GRM4: variants seen among roughly 807,000 people sequenced by gnomAD.
The protein encoded by GRM4 is glutamate metabotropic receptor 4.
A neutral mutation model predicts 81.7 loss-of-function variants in GRM4; 28 were observed. The observed-to-expected ratio is 0.34, with a 90% CI of 0.25 to 0.47. The LOEUF is 0.47. GRM4 is among the 20% of genes least tolerant of loss of function. GRM4 has a pLI of 1.00. For missense variants in GRM4, 948 were observed against 1,290.0 expected (o/e 0.73, Z 4.06); for synonymous variants, 488 against 528.8 (o/e 0.92, Z 1.06).
Position 34,092,805 on chromosome 6 carries a change from G to C in GRM4, c.520-706C>G, listed in dbSNP as rs995253821. 6.6e-6 allele frequency among the ~76,000 whole-genome samples: 1 copy of C among 152,042 alleles called. No individual in the cohort carries two copies. Among genetic ancestry groups the C allele is most frequent in the African/African-American group, 2.4e-5 (1 of 41,490 alleles). On this transcript the variant is annotated intron_variant, in intron 2 of 10. Coordinates refer to ENST00000538487, the MANE Select transcript of GRM4 (RefSeq NM_000841.4). The surrounding 1 kb of genome is among the most constrained non-coding windows in gnomAD (Gnocchi z 6.8). ...CCCAGCCCCGGGGCTTTCCAGTCAC[G>C]GGGCATCTTCCCGCCTCCACAGGCC...
chr6:34,089,808 C>A lies in GRM4; in HGVS notation c.736+2075G>T, dbSNP rs1768107172. 6.6e-6 allele frequency among the ~76,000 whole-genome samples: 1 copy of A among 152,160 alleles called. No individual in the cohort carries two copies. Among genetic ancestry groups the A allele is most frequent in the African/African-American group, 2.4e-5 (1 of 41,418 alleles). On this transcript the variant is annotated intron_variant, in intron 3 of 10. Transcript: ENST00000538487. This position sits in a 1 kb window ranked among gnomAD's most constrained non-coding sequence, Gnocchi z 4.3. ...GCCAAAACACAATGCCCAGACCCCA[C>A]CCCCATCCCATGCCTCTCCTGTCCC...
intron 3 of GRM4, among the ~76,000 whole-genome samples, chr6:34,071,997 A>AAATAC: frequency 6.6e-6 from 1 of 151,940 alleles, no homozygotes; most frequent in Non-Finnish European, 1.5e-5. Flanking sequence ...ATCACCACAA[A>AAATAC]AATACACACC....
chr6:34,044,861 CAGACAT>C (rs1379712078), intron 6 of GRM4, among the ~76,000 whole-genome samples: 5 of 148,888 alleles, frequency 3.4e-5, no homozygotes, highest in Non-Finnish European at 1.5e-5. Context: ...GACACACACA[CAGACAT>C]ACATACACAT....
At chr6:34,107,272 T>C (rs1769171102) in intron 2 of GRM4, among the ~76,000 whole-genome samples, 1 of 152,080 alleles carries the variant, frequency 6.6e-6, no homozygotes, top group African/African-American at 2.4e-5. Flanking sequence ...ATGGTAAGCT[T>C]CCACTCCCTC....
chr6:34,057,267 CCCT>C (rs1765945176), intron 5 of GRM4, among the ~76,000 whole-genome samples: 1 of 105,562 alleles, frequency 9.5e-6, no homozygotes, highest in Non-Finnish European at 1.9e-5. Context: ...GAACAACACC[CCCT>C]CCTCCTCCCA....
At chr6:34,030,516 C>T (rs1396415069) in intron 9 of GRM4, among the ~76,000 whole-genome samples, 1 of 152,176 alleles carries the variant, frequency 6.6e-6, no homozygotes, top group Non-Finnish European at 1.5e-5. Flanking sequence ...CCAGATTCTA[C>T]TCTGCCTCAG....
At chr6:34,131,584 C>T (rs1322931490) in intron 2 of GRM4, among the ~76,000 whole-genome samples, 1 of 152,166 alleles carries the variant, frequency 6.6e-6, no homozygotes, top group African/African-American at 2.4e-5. Context: ...CTCTGGCCTC[C>T]TCCCTTTGCC....
intron 6 of GRM4, among the ~76,000 whole-genome samples, chr6:34,041,709 G>A (rs978418312): frequency 6.6e-6 from 1 of 152,238 alleles, no homozygotes; most frequent in African/African-American, 2.4e-5. Flanking sequence ...CAGAACAGGG[G>A]CTTCCAAGAG....
intron 1 of GRM4, among the ~76,000 whole-genome samples, chr6:34,143,667 G>A (rs1292691209): frequency 6.6e-6 from 1 of 152,388 alleles, no homozygotes; most frequent in African/African-American, 2.4e-5. Flanking sequence ...TGGGATCCGG[G>A]GGAAAGTGGG....
chr6:34,044,191 T>C lies in GRM4; in HGVS notation c.1169-3443A>G, dbSNP rs565420383. Among the ~76,000 whole-genome samples, 77 of 144,910 alleles carry C rather than the reference T, an allele frequency of 5.3e-4. No individual in the cohort carries two copies. In the Middle Eastern group the frequency reaches 0.02, roughly 37 times the overall value. On this transcript the variant is annotated intron_variant, in intron 6 of 10. Transcript: ENST00000538487. ...ACACATATACATACATACACATATA[T>C]ACACACACATATATATACATACATA...
At chr6:34,153,270 C>T (rs1040826773) in intron 1 of GRM4, among the ~76,000 whole-genome samples, 5 of 152,178 alleles carry the variant, frequency 3.3e-5, no homozygotes, top group African/African-American at 9.7e-5. Context: ...CAGACACGCA[C>T]GCAGGGCCCA....
At chr6:34,112,110 G>A (rs1769407714) in intron 2 of GRM4, among the ~76,000 whole-genome samples, 1 of 152,106 alleles carries the variant, frequency 6.6e-6, no homozygotes, top group Admixed American at 6.5e-5. Context: ...TAATAATCCT[G>A]CTGAACTGGG....
intron 8 of GRM4, among the ~76,000 whole-genome samples, chr6:34,039,033 G>A (rs1246911392): frequency 6.6e-6 from 1 of 152,186 alleles, no homozygotes; most frequent in Non-Finnish European, 1.5e-5. Flanking sequence ...TCTGCCCACT[G>A]CACCAAAACA....
At chr6:34,139,665 G>A (rs376553671) in intron 1 of GRM4, among the ~76,000 whole-genome samples, 6 of 152,184 alleles carry the variant, frequency 3.9e-5, no homozygotes, top group East Asian at 3.8e-4. Context: ...CGCCCAGTCC[G>A]AGGTTCAGAA....
chr6:34,037,234 T>C (rs1764760538), intron 8 of GRM4, among the ~76,000 whole-genome samples: 2 of 152,354 alleles, frequency 1.3e-5, no homozygotes, highest in South Asian at 4.1e-4. Flanking sequence ...TTAGCATTTC[T>C]TTACATCTTG....
At chr6:34,062,157 G>C in intron 3 of GRM4, 129 bp from the exon 4 acceptor site, 1 of 966,564 alleles carries the variant, frequency 1.0e-6, no homozygotes, top group Non-Finnish European at 1.5e-6. Flanking sequence ...TCCCAGCCCT[G>C]GGATCCCAGC....
Position 34,095,707 on chromosome 6 carries a change from G to A in GRM4, c.520-3608C>T, listed in dbSNP as rs141639295. Among the ~76,000 whole-genome samples the A allele has an allele frequency of 6.4e-3, 979 of 152,032 alleles. 4 individuals carry two copies. The highest frequency in any genetic ancestry group is 0.011 in the Non-Finnish European group (727 of 67,956). ...CCTCCTAGGACTCTCCCTCTCTGCC[G>A]GCCCCCTCCCATCACACACTCTCTC... On this transcript the variant is annotated intron_variant, in intron 2 of 10. Coordinates refer to ENST00000538487, the MANE Select transcript of GRM4 (RefSeq NM_000841.4).
chr6:34,057,347 C>T (rs1163349233), intron 5 of GRM4, among the ~76,000 whole-genome samples: 1 of 152,188 alleles, frequency 6.6e-6, no homozygotes, highest in Non-Finnish European at 1.5e-5. Context: ...GGGCCAGAGG[C>T]CTGAAAGCTC....
At chr6:34,155,394 C>T (rs1401614862) in exon 1 of GRM4, 2 of 1,486,886 alleles carry the variant, frequency 1.3e-6, no homozygotes, top group Non-Finnish European at 1.8e-6. Context: ...CCGGCATCCT[C>T]CCACTCTCAG....
Sources: gnomAD v4.1 joint callset for allele counts (sites outside exome capture counted in the v4.1 genomes callset) on GRCh38, gnomAD v4.1.1 for gene constraint, Gnocchi (gnomAD v3.1) non-coding constraint, MANE v1.5 for transcripts, NCBI Gene and HGNC (gene_info 2026-07-23, HGNC 2026-07-21) for gene names.